TFPI: variants seen among roughly 807,000 people sequenced by gnomAD.
The protein encoded by TFPI is anti-convertin.
In TFPI, 15 loss-of-function variants were observed where a neutral mutation model predicts 34.6. That is an observed-to-expected ratio of 0.43 (90% CI 0.29 to 0.67). TFPI has a LOEUF of 0.67. Ranked by LOEUF, TFPI falls within the 30% of genes least tolerant of loss-of-function variation. The pLI, the probability that TFPI is intolerant of heterozygous loss-of-function variation, is 0.15. For synonymous variants in TFPI, 105 were observed against 120.1 expected (o/e 0.87, Z 0.82); for missense variants, 301 against 364.0 (o/e 0.83, Z 1.41).
chr2:187,482,534 A>G (rs1233986391), intron 6 of TFPI, among the ~76,000 whole-genome samples: 1 of 152,016 alleles, frequency 6.6e-6, no homozygotes, highest in Non-Finnish European at 1.5e-5. Context: ...CTACCTATTG[A>G]ATGTAAGGAC....
At chr2:187,469,627 T>G (rs540010399) in intron 6 of TFPI, among the ~76,000 whole-genome samples, 1 of 152,246 alleles carries the variant, frequency 6.6e-6, no homozygotes, top group Admixed American at 6.5e-5. Flanking sequence ...AAAATCTACT[T>G]ATATAACAGA....
At chr2:187,469,421 A>G (rs1343347211) in intron 6 of TFPI, among the ~76,000 whole-genome samples, 1 of 152,128 alleles carries the variant, frequency 6.6e-6, no homozygotes, top group Non-Finnish European at 1.5e-5. Context: ...AATCATATGT[A>G]GCCCTTTATG....
chr2:187,510,489 C>G (rs1316198502), intron 1 of TFPI, among the ~76,000 whole-genome samples: 4 of 152,204 alleles, frequency 2.6e-5, no homozygotes, highest in Admixed American at 2.6e-4. Context: ...CACCCTTCTA[C>G]TAAGAGAGGA....
At chr2:187,550,928 C>T (rs777777510) in intron 1 of TFPI, among the ~76,000 whole-genome samples, 2 of 151,960 alleles carry the variant, frequency 1.3e-5, no homozygotes, top group African/African-American at 2.4e-5. Context: ...TCATAGAATT[C>T]AAGGACTGGA....
chr2:187,527,520 A>T (rs1182462340), intron 1 of TFPI, among the ~76,000 whole-genome samples: 1 of 152,142 alleles, frequency 6.6e-6, no homozygotes, highest in East Asian at 1.9e-4. Context: ...AAATTCTAAC[A>T]AGTCGGCACA....
chr2:187,473,838 CT>C (rs938615654), intron 6 of TFPI, among the ~76,000 whole-genome samples: 1 of 150,530 alleles, frequency 6.6e-6, no homozygotes, highest in African/African-American at 2.4e-5. Context: ...TACTGGGCCA[CT>C]TACCTGAGGA....
At chr2:187,552,846 C>G (rs1471523850) in intron 1 of TFPI, among the ~76,000 whole-genome samples, 11 of 152,054 alleles carry the variant, frequency 7.2e-5, no homozygotes, top group Admixed American at 7.2e-4. Context: ...TCCAATATAA[C>G]TACTCAAATC....
At chr2:187,535,797 G>A (rs1386519326) in intron 1 of TFPI, among the ~76,000 whole-genome samples, 1 of 152,040 alleles carries the variant, frequency 6.6e-6, no homozygotes, top group Non-Finnish European at 1.5e-5. Context: ...TCCAGGAGCT[G>A]GTTTTTTAAA....
At chr2:187,518,024 C>T (rs1047093645) in intron 1 of TFPI, 6 of 152,180 alleles carry the variant, frequency 3.9e-5, no homozygotes, top group African/African-American at 1.4e-4. Flanking sequence ...TATTTTGAGC[C>T]TATGTGTGTC....
At chr2:187,523,624 T>C (rs1380270169) in intron 1 of TFPI, among the ~76,000 whole-genome samples, 1 of 152,130 alleles carries the variant, frequency 6.6e-6, no homozygotes, top group Non-Finnish European at 1.5e-5. Context: ...CTTTGTGCTG[T>C]AGCTGTCTAT....
rs536698529 is a variant in TFPI at position 187,508,110 on chromosome 2, C to T, written c.-2-4340G>A. On this transcript the variant is annotated intron_variant, in intron 1 of 7. Transcript: ENST00000233156. ...TATATTTGTCAGGTTTGTCAAAGAT[C>T]AGATGATTTTAGATGTGTGCTGTTA... is the stretch of plus-strand genomic sequence containing the variant. Among the ~76,000 whole-genome samples the T allele has an allele frequency of 1.4e-4, 21 of 152,278 alleles. No homozygotes were observed. The South Asian group carries it at 4.4e-3, about 32-fold the overall frequency.
intron 6 of TFPI, chr2:187,478,755 T>A (rs1553520438): frequency 6.2e-7 from 1 of 1,613,804 alleles, no homozygotes; most frequent in Non-Finnish European, 8.5e-7. Context: ...AAAGACTTGG[T>A]AAATATGAGC....
At position 187,467,899 on chromosome 2, in the gene TFPI, G is replaced by T; in HGVS notation, c.662C>A (p.Ala221Glu). The stretch of plus-strand genomic sequence containing the variant: ...ATTGGCACGACACAATCCTCTGTCT[G>T]CTGGAGTGAGACACCATGAGGGACC... ...FHGPSWCLTP[A>E]DRGLCRANEN... Residue 221 changes from alanine to glutamate, a missense_variant, in exon 7 of 8, where the codon GCA becomes GAA. Ala to Glu is a moderately radical substitution (Grantham distance 107, BLOSUM62 -1). Coordinates refer to ENST00000233156, the MANE Select transcript of TFPI (RefSeq NM_006287.6). 1 of 1,604,566 alleles carries T rather than the reference G, an allele frequency of 6.2e-7. No individual in the cohort carries two copies.
intron 6 of TFPI, among the ~76,000 whole-genome samples, chr2:187,474,824 A>G (rs964668397): frequency 3.3e-5 from 5 of 152,090 alleles, no homozygotes; most frequent in African/African-American, 1.2e-4. Context: ...GCTTTTATTC[A>G]TTGTGGCTTT....
rs1188658197 is a variant in TFPI, at chr2:187,478,907, AT to A, written c.628+5216del. ...GGGAAGTCTATAAACTGTATAGTAC[AT>A]TATGTTTTTCTTCAAAAAAATCTTG... On this transcript the variant is annotated intron_variant, in intron 6 of 7. Coordinates refer to ENST00000233156, the MANE Select transcript of TFPI (RefSeq NM_006287.6). 5.8e-6 allele frequency: 5 copies of A among 859,894 alleles called. No homozygotes were observed. In the African/African-American group the frequency reaches 8.6e-5, roughly 15 times the overall value. The allele number at this position is 859,894 out of a possible 1,614,324, so 53.3% of individuals were successfully genotyped here.
rs114010935 is a variant in TFPI, at chr2:187,506,441, T to G, written c.-2-2671A>C. On this transcript the variant is annotated intron_variant, in intron 1 of 7. Transcript: ENST00000233156. ...AACATGTTACGTTAGTATGGTGCAC[T>G]TATCGTTAATATACCAAAATTGATA... Among the ~76,000 whole-genome samples, 445 of 152,282 alleles carry G rather than the reference T, an allele frequency of 2.9e-3. 5 individuals are homozygous for G. Among genetic ancestry groups the G allele is most frequent in the African/African-American group, 9.8e-3 (409 of 41,548 alleles).
intron 1 of TFPI, among the ~76,000 whole-genome samples, chr2:187,528,859 T>TAA (rs5837041): frequency 1.7e-4 from 24 of 141,876 alleles, no homozygotes; most frequent in South Asian, 6.7e-4. Context: ...ATAGTGTTGG[T>TAA]AAAAAAAAAA....
intron 6 of TFPI, among the ~76,000 whole-genome samples, chr2:187,469,584 A>G (rs1053928366): frequency 6.6e-6 from 1 of 152,166 alleles, no homozygotes; most frequent in African/African-American, 2.4e-5. Flanking sequence ...ATCTTCTCAC[A>G]GTTACATTTT....
intron 6 of TFPI, among the ~76,000 whole-genome samples, chr2:187,476,842 G>T (rs1476756523): frequency 1.3e-5 from 2 of 152,014 alleles, no homozygotes; most frequent in Non-Finnish European, 2.9e-5. Context: ...AGCAAAAGAA[G>T]TCTTATCAAA....
Sources: allele counts gnomAD v4.1 joint callset (sites outside exome capture counted in the v4.1 genomes callset), GRCh38; gene constraint gnomAD v4.1.1; transcripts MANE v1.5; gene names NCBI Gene and HGNC (gene_info 2026-07-23, HGNC 2026-07-21).